Variants in CMIP observed in about 807,000 individuals in gnomAD.
CMIP encodes c-Maf inducing protein, also known as C-Maf-inducing protein.
CMIP carries 13 observed loss-of-function variants against 97.3 expected under a neutral mutation model. The observed-to-expected ratio is 0.13, with a 90% CI of 0.09 to 0.21. The LOEUF is 0.21. Among genes scored for constraint, CMIP ranks in the 10% least tolerant of loss-of-function variants. The pLI, the probability that CMIP is intolerant of heterozygous loss-of-function variation, is 1.00. For synonymous variants in CMIP, 538 were observed against 436.3 expected, an observed-to-expected ratio of 1.23 and a Z score of -2.91; for missense variants, 847 against 1,024.9, an observed-to-expected ratio of 0.83 and a Z score of 2.37.
intron 1 of CMIP, among the ~76,000 whole-genome samples, chr16:81,583,735 T>A (rs2091335230): frequency 6.6e-6 from 1 of 152,104 alleles, no homozygotes. Flanking sequence ...CTTTCCCAAG[T>A]GGTTTCTGGG....
intron 4 of CMIP, among the ~76,000 whole-genome samples, chr16:81,656,566 T>A (rs1409744960): frequency 1.3e-5 from 2 of 152,190 alleles, no homozygotes; most frequent in African/African-American, 2.4e-5. Context: ...GCCGTCTCTT[T>A]CCTTGTTCAA....
In CMIP at chr16:81,710,079, G is replaced by A. The variant is rs1351034251; in HGVS notation, c.*280G>A. 2.8e-6 allele frequency: 1 copy of A among 354,154 alleles called. No homozygotes were observed. The highest frequency in any genetic ancestry group is 5.2e-6 in the Non-Finnish European group (1 of 193,662). 21.9% of individuals were successfully genotyped at this position (354,154 alleles called of 1,614,324 possible). On this transcript the variant is annotated 3_prime_UTR_variant, in exon 21 of 21. Transcript: ENST00000537098. ...GCATCAGCGGGTCGGGGAGGGGTTT[G>A]GGGGTGGGCTGGGGGGTGGGGGACC...
chr16:81,583,233 G>C (rs149837434), intron 1 of CMIP, among the ~76,000 whole-genome samples: 1 of 152,314 alleles, frequency 6.6e-6, no homozygotes, highest in Admixed American at 6.5e-5. Context: ...TATTGACGGC[G>C]ACAGCATTGG....
At chr16:81,513,395 C>T (rs779382039) in intron 1 of CMIP, among the ~76,000 whole-genome samples, 8 of 152,170 alleles carry the variant, frequency 5.3e-5, no homozygotes, top group South Asian at 2.1e-4. Context: ...GTAGGTGTTC[C>T]GGAAACGGCT....
intron 1 of CMIP, among the ~76,000 whole-genome samples, chr16:81,576,453 A>G (rs1335734019): frequency 6.6e-6 from 1 of 152,026 alleles, no homozygotes; most frequent in African/African-American, 2.4e-5. Context: ...AAAGAAAAGA[A>G]TGTGCCCAGA....
At chr16:81,684,996 C>A (rs1382302718) in intron 10 of CMIP, among the ~76,000 whole-genome samples, 1 of 152,224 alleles carries the variant, frequency 6.6e-6, no homozygotes, top group Admixed American at 6.5e-5. Context: ...CTGCTGGCCA[C>A]TGGGTCCTGT....
Position 81,525,998 on chromosome 16 carries a change from G to GTGTC in CMIP, c.300+80460_300+80461insCTGT, listed in dbSNP as rs1224066438. ...AATACGTGTGTGTGTGTGTGTGTGT[G>GTGTC]TGTGTGTGTCTGTGTGTGTGTGTGT... is the stretch of plus-strand genomic sequence containing the variant. On this transcript the variant is annotated intron_variant, in intron 1 of 20. Coordinates refer to ENST00000537098, the MANE Select transcript of CMIP (RefSeq NM_198390.3). Among the ~76,000 whole-genome samples the GTGTC allele has an allele frequency of 2.7e-4, 9 of 32,914 alleles. No homozygotes were observed. In the South Asian group the frequency reaches 0.011, roughly 42 times the overall value. 21.6% of individuals were successfully genotyped at this position (32,914 alleles called of 152,430 possible).
At chr16:81,598,110 G>C (rs1019829052) in intron 1 of CMIP, among the ~76,000 whole-genome samples, 3 of 152,160 alleles carry the variant, frequency 2.0e-5, no homozygotes, top group Admixed American at 2.0e-4. Context: ...CCACAAGGCT[G>C]GCTGGGAGGA....
chr16:81,580,276 A>G (rs1444482379), intron 1 of CMIP, among the ~76,000 whole-genome samples: 2 of 152,150 alleles, frequency 1.3e-5, no homozygotes, highest in Non-Finnish European at 2.9e-5. Context: ...GAGGTGCCCT[A>G]TGTCTCCCGG....
intron 1 of CMIP, among the ~76,000 whole-genome samples, chr16:81,469,157 G>T (rs1907378848): frequency 6.6e-6 from 1 of 152,238 alleles, no homozygotes. Context: ...CTTTGACGTT[G>T]GTGGGGAAAC....
At chr16:81,628,103 G>T (rs577332426) in intron 3 of CMIP, among the ~76,000 whole-genome samples, 1 of 152,272 alleles carries the variant, frequency 6.6e-6, no homozygotes, top group Admixed American at 6.5e-5. Context: ...GGCCATGCTA[G>T]AAGGGGGGAT....
chr16:81,560,179 G>A (rs1172027985), intron 1 of CMIP, among the ~76,000 whole-genome samples: 2 of 144,644 alleles, frequency 1.4e-5, no homozygotes, highest in Non-Finnish European at 3.0e-5. Flanking sequence ...AAAAAAAGTT[G>A]TGTGTTTTTT....
chr16:81,496,340 G>C (rs1403675522), intron 1 of CMIP, among the ~76,000 whole-genome samples: 1 of 152,308 alleles, frequency 6.6e-6, no homozygotes, highest in East Asian at 1.9e-4. Context: ...CCTTCATGGG[G>C]GCGATCCTAC....
intron 4 of CMIP, 61 bp from the exon 5 acceptor site, chr16:81,657,714 C>G (rs1412604254): frequency 7.4e-7 from 1 of 1,356,258 alleles, no homozygotes; most frequent in Admixed American, 2.3e-5. Context: ...AATCCAAATG[C>G]TCGTTTTCTT....
chr16:81,634,169 G>A (rs1414814125), intron 3 of CMIP, among the ~76,000 whole-genome samples: 1 of 152,248 alleles, frequency 6.6e-6, no homozygotes, highest in East Asian at 1.9e-4. Context: ...GGGTGACTGT[G>A]ATGCACCCCA....
At chr16:81,513,249 A>G (rs2089848226) in intron 1 of CMIP, among the ~76,000 whole-genome samples, 3 of 152,186 alleles carry the variant, frequency 2.0e-5, no homozygotes, top group Admixed American at 1.3e-4. Context: ...GCTGCTCACC[A>G]GACCCAGAGT....
chr16:81,684,906 A>G (rs1402889703), intron 10 of CMIP, among the ~76,000 whole-genome samples: 1 of 152,148 alleles, frequency 6.6e-6, no homozygotes, highest in African/African-American at 2.4e-5. Context: ...GCCAAATGGG[A>G]GACTGCCCCA....
intron 3 of CMIP, among the ~76,000 whole-genome samples, chr16:81,634,633 G>A (rs185332495): frequency 1.6e-3 from 245 of 152,294 alleles, no homozygotes; most frequent in African/African-American, 5.7e-3. Flanking sequence ...GGGAGGGCAG[G>A]AGTGCGCCTT....
At chr16:81,523,832 AG>A (rs2090076412) in intron 1 of CMIP, among the ~76,000 whole-genome samples, 2 of 152,338 alleles carry the variant, frequency 1.3e-5, no homozygotes, top group East Asian at 3.9e-4. Context: ...AGCTTCCTTT[AG>A]CTAGGAGCCT....
Sources: gnomAD v4.1 joint callset for allele counts (sites outside exome capture counted in the v4.1 genomes callset) on GRCh38, gnomAD v4.1.1 for gene constraint, MANE v1.5 for transcripts, NCBI Gene and HGNC (gene_info 2026-07-23, HGNC 2026-07-21) for gene names.